Variants in ZDHHC19 observed in about 807,000 individuals in gnomAD.
ZDHHC19 encodes palmitoyltransferase ZDHHC19.
In ZDHHC19, 30 loss-of-function variants were observed where a neutral mutation model predicts 33.9. The observed-to-expected ratio is 0.88, with a 90% CI of 0.66 to 1.20. The LOEUF (loss-of-function observed/expected upper bound fraction) is 1.20. Among genes scored for constraint, ZDHHC19 ranks in the 50% most tolerant of loss-of-function variants. ZDHHC19 has a pLI of 0.00. For synonymous variants in ZDHHC19, 178 were observed against 167.6 expected (o/e 1.06, Z -0.48); for missense variants, 364 against 401.1 (o/e 0.91, Z 0.79).
At chr3:196,205,891 C>G (rs1197839532) in intron 5 of ZDHHC19, among the ~76,000 whole-genome samples, 1 of 151,970 alleles carries the variant, frequency 6.6e-6, no homozygotes, top group African/African-American at 2.4e-5. Context: ...AACTCCTGAC[C>G]TGGCCTCAAG....
rs1194728872 is a variant in ZDHHC19 at position 196,203,615 on chromosome 3, C to G, written c.687+3783G>C. Among the ~76,000 whole-genome samples the G allele has an allele frequency of 6.6e-6, 1 of 152,158 alleles. No individual in the cohort carries two copies. The highest frequency in any genetic ancestry group is 1.5e-5 in the Non-Finnish European group (1 of 68,032). ...CGGGAAGGAGCCCTGCCTGGTGAATCGCAGGCCACGTTAGGGTCCCTGGAG... is the reference window on the plus strand; with the variant it reads ...CGGGAAGGAGCCCTGCCTGGTGAATGGCAGGCCACGTTAGGGTCCCTGGAG... On this transcript the variant is annotated intron_variant, in intron 5 of 7. Coordinates refer to ENST00000296326, the MANE Select transcript of ZDHHC19 (RefSeq NM_001039617.2). The surrounding 1 kb of genome is among the most constrained non-coding windows in gnomAD (Gnocchi z 4.3).
intron 5 of ZDHHC19, chr3:196,202,330 A>G (rs949205746): frequency 2.2e-5 from 3 of 134,166 alleles, no homozygotes; most frequent in African/African-American, 8.1e-5. Context: ...CTCAAAAAGG[A>G]AAAAAAAAAA....
intron 2 of ZDHHC19, 53 bp downstream of exon 2, chr3:196,210,563 A>C: frequency 6.2e-7 from 1 of 1,611,736 alleles, no homozygotes; most frequent in South Asian, 1.1e-5. Context: ...TCCCCCCTGC[A>C]GGTTCCCAGC....
At chr3:196,204,529 C>T (rs1722589399) in intron 5 of ZDHHC19, among the ~76,000 whole-genome samples, 1 of 152,084 alleles carries the variant, frequency 6.6e-6, no homozygotes, top group Admixed American at 6.6e-5. Flanking sequence ...GGAAACAATA[C>T]AATTTTTTAA....
At chr3:196,209,561 C>A (rs371089413) in intron 2 of ZDHHC19, 46 bp from the exon 3 acceptor site, 2 of 1,593,946 alleles carry the variant, frequency 1.3e-6, no homozygotes, top group East Asian at 2.3e-5. Flanking sequence ...CCTGCGGTCA[C>A]CCCGCGGCGG....
At chr3:196,210,268 G>GAAAGAA (rs1553821777) in intron 2 of ZDHHC19, among the ~76,000 whole-genome samples, 2 of 119,172 alleles carry the variant, frequency 1.7e-5, no homozygotes, top group African/African-American at 3.2e-5. Flanking sequence ...AGAAAGAAAA[G>GAAAGAA]AGAAAGAAAG....
rs778648099 is a variant in ZDHHC19 at position 196,203,340 on chromosome 3, C to T, written c.687+4058G>A. 3.7e-4 allele frequency among the ~76,000 whole-genome samples: 57 copies of T among 152,192 alleles called. No individual in the cohort carries two copies. Among genetic ancestry groups the T allele is most frequent in the Non-Finnish European group, 6.5e-4 (44 of 68,036 alleles). On this transcript the variant is annotated intron_variant, in intron 5 of 7. Coordinates refer to ENST00000296326, the MANE Select transcript of ZDHHC19 (RefSeq NM_001039617.2). This position sits in a 1 kb window ranked among gnomAD's most constrained non-coding sequence, Gnocchi z 4.3. Reference sequence around the variant, plus strand: ...CATCTAGAGCACTCACTTGTACCAGCTGCTACTCTATGTCTTAAACTCACC... The same window carrying T: ...CATCTAGAGCACTCACTTGTACCAGTTGCTACTCTATGTCTTAAACTCACC...
intron 5 of ZDHHC19, among the ~76,000 whole-genome samples, chr3:196,205,098 T>G (rs1206804931): frequency 2.0e-5 from 3 of 152,222 alleles, no homozygotes; most frequent in Admixed American, 1.3e-4. Flanking sequence ...AGAGTGAGAC[T>G]CCATCTCAAA....
Position 196,210,703 on chromosome 3 carries a change from A to G in ZDHHC19, c.181T>C (p.Phe61Leu). 1.2e-6 allele frequency: 2 copies of G among 1,614,008 alleles called. No individual in the cohort carries two copies. Among genetic ancestry groups the G allele is most frequent in the Non-Finnish European group, 1.7e-6 (2 of 1,179,968 alleles). Residue 61 changes from phenylalanine to leucine, a missense_variant, in exon 2 of 8, where the codon TTT (phenylalanine) becomes CTT (leucine). Physicochemically the swap from Phe to Leu is conservative, Grantham distance 22. Coordinates refer to ENST00000296326, the MANE Select transcript of ZDHHC19 (RefSeq NM_001039617.2). ...RWLAQNGEWA[F>L]PVITGSLFVL... is the part of the protein sequence containing the mutation. ...AAGAGGGAGCCTGTGATAACAGGAA[A>G]GGCCCACTCCCCGTTCTGAGCCAGC...
At position 196,211,372 on chromosome 3, in the gene ZDHHC19, C is replaced by A; in HGVS notation, c.-57G>T. ...AGAGCCACCAGGCTTCCTCCCCCAG[C>A]CCAGCTTCCAGAGCTCCATGGCCAC... On this transcript the variant is annotated 5_prime_UTR_variant, in exon 1 of 8. Transcript: ENST00000296326. The A allele has an allele frequency of 1.9e-6, 3 of 1,542,790 alleles. No individual in the cohort carries two copies. Among genetic ancestry groups the A allele is most frequent in the South Asian group, 1.3e-5 (1 of 78,496 alleles).
At position 196,208,332 on chromosome 3, in the gene ZDHHC19, A is replaced by G. The variant is rs1477423908; in HGVS notation, c.581+56T>C. On this transcript the variant is annotated intron_variant, in intron 4 of 7. Coordinates refer to ENST00000296326, the MANE Select transcript of ZDHHC19 (RefSeq NM_001039617.2). ...CCGCCCCCATAGCCCCGCCCTCTGC[A>G]GCCCCCTCCTTGGCTGTCCCCGCCT... 4.1e-6 allele frequency: 6 copies of G among 1,445,904 alleles called. No homozygotes were observed. In the Admixed American group the frequency reaches 5.7e-5, roughly 14 times the overall value. The allele number at this position is 1,445,904 out of a possible 1,614,324, so 89.6% of individuals were successfully genotyped here.
In ZDHHC19 at chr3:196,210,400, AGGGAGAGAGAGAGGAAGG is replaced by A. The variant is rs1338244847; in HGVS notation, c.268+198_268+215del. ...AGAGAGAGGAAGGAAGGAAAGAAAG[AGGGAGAGAGAGAGGAAGG>A]AAGGAAAGAAAGAAAGAGAAAGAAA... On this transcript the variant is annotated intron_variant, in intron 2 of 7. Transcript: ENST00000296326. Among the ~76,000 whole-genome samples the A allele has an allele frequency of 6.0e-4, 86 of 144,364 alleles. 1 individual carries two copies. The highest frequency in any genetic ancestry group is 8.0e-4 in the Non-Finnish European group (53 of 66,512). The allele number at this position is 144,364 out of a possible 152,430, so 94.7% of individuals were successfully genotyped here. A position where few individuals can be genotyped will look rare whatever the true frequency, so the allele number is the denominator to read the frequency against.
chr3:196,207,430 C>T lies in ZDHHC19; in HGVS notation c.655G>A (p.Val219Met), dbSNP rs752925480. Reference sequence around the variant, plus strand: ...TTGTAGGTGCGGTCGGCCGAGCTCACGGACAGTGCCTGGATCAGCAGCAGG... The same window carrying T: ...TTGTAGGTGCGGTCGGCCGAGCTCATGGACAGTGCCTGGATCAGCAGCAGG... ...SLLLLIQALS[V>M]SSADRTYKGK... The change falls in exon 5 of 8, where the codon GTG (valine) becomes ATG (methionine). Residue 219 changes from valine (V) to methionine (M), a missense_variant. Val to Met is a conservative substitution (Grantham distance 21). Coordinates refer to ENST00000296326, the MANE Select transcript of ZDHHC19 (RefSeq NM_001039617.2). 3.0e-5 allele frequency: 47 copies of T among 1,571,886 alleles called. 1 individual carries two copies. The highest frequency in any genetic ancestry group is 5.9e-5 in the South Asian group (5 of 85,440).
intron 5 of ZDHHC19, chr3:196,199,206 TA>T: frequency 6.4e-6 from 2 of 314,518 alleles, no homozygotes; most frequent in Non-Finnish European, 1.2e-5. Flanking sequence ...CGCAATGCGG[TA>T]AAGGCCAAGT....
intron 3 of ZDHHC19, chr3:196,208,881 C>G: frequency 5.5e-6 from 2 of 361,542 alleles, no homozygotes; most frequent in Non-Finnish European, 1.0e-5. Flanking sequence ...CTTTCTCATC[C>G]ATTCGATGAA....
chr3:196,209,633 C>T, intron 2 of ZDHHC19, 118 bp from the exon 3 acceptor site: 1 of 1,340,020 alleles, frequency 7.5e-7, no homozygotes, highest in Admixed American at 2.4e-5. Flanking sequence ...CAGGGGAACC[C>T]CTGTCCCCAC....
Position 196,198,322 on chromosome 3 carries a change from G to A in ZDHHC19, c.903C>T (p.Ser301=), listed in dbSNP as rs1323351952. ...PPAPTSGSLQ[S]REGTPGAW Reference sequence around the variant, plus strand: ...ACCACGCCCCGGGGGTCCCTTCCCTGCTTTGTAGGGACCCAGAGGTTGGGG... The same window carrying A: ...ACCACGCCCCGGGGGTCCCTTCCCTACTTTGTAGGGACCCAGAGGTTGGGG... The change falls in exon 7 of 8, where the codon AGC becomes AGT. Residue 301 remains serine (S), a synonymous_variant. Coordinates refer to ENST00000296326, the MANE Select transcript of ZDHHC19 (RefSeq NM_001039617.2). 2.0e-6 allele frequency: 3 copies of A among 1,511,924 alleles called. No homozygotes were observed. The African/African-American group carries it at 4.2e-5, about 21-fold the overall frequency. The allele number at this position is 1,511,924 out of a possible 1,614,324, so 93.7% of individuals were successfully genotyped here. A position where few individuals can be genotyped will look rare whatever the true frequency, so the allele number is the denominator to read the frequency against.
intron 7 of ZDHHC19, 77 bp downstream of exon 7, chr3:196,198,199 T>C: frequency 2.3e-6 from 3 of 1,318,918 alleles, no homozygotes; most frequent in South Asian, 2.3e-5. Flanking sequence ...CTCAGGGGCC[T>C]CCCCCCACAC....
intron 5 of ZDHHC19, among the ~76,000 whole-genome samples, chr3:196,200,252 A>G (rs995808933): frequency 5.3e-5 from 8 of 150,394 alleles, no homozygotes; most frequent in Non-Finnish European, 1.0e-4. Context: ...TCCAGCCTGA[A>G]TGACAGAGTG....
Sources: gnomAD v4.1 joint callset for allele counts (sites outside exome capture counted in the v4.1 genomes callset) on GRCh38, gnomAD v4.1.1 for gene constraint, Gnocchi (gnomAD v3.1) non-coding constraint, MANE v1.5 for transcripts, NCBI Gene and HGNC (gene_info 2026-07-23, HGNC 2026-07-21) for gene names.